Variants in NHSL2 observed in about 807,000 individuals in gnomAD.
The protein encoded by NHSL2 is NHS-like protein 2.
NHSL2 carries 27 observed loss-of-function variants against 53.4 expected under a neutral mutation model. The ratio of observed to expected loss-of-function variants is 0.51; its 90% CI spans 0.37 to 0.70. NHSL2 has a LOEUF of 0.70. Among genes scored for constraint, NHSL2 ranks in the 30% least tolerant of loss-of-function variants. The pLI is 0.00. For synonymous variants in NHSL2, 408 were observed against 404.1 expected, an observed-to-expected ratio of 1.01 and a Z score of -0.12; for missense variants, 892 against 980.1, an observed-to-expected ratio of 0.91 and a Z score of 1.20.
At chrX:72,059,377 G>A (rs1252844999) in intron 1 of NHSL2, among the ~76,000 whole-genome samples, 1 of 111,007 alleles carries the variant, frequency 9.0e-6, no homozygotes, top group Non-Finnish European at 1.9e-5. Flanking sequence ...AAGCTTCTGT[G>A]GCTCACTATC....
At chrX:72,070,507 A>G (rs892563598) in intron 1 of NHSL2, among the ~76,000 whole-genome samples, 4 of 111,187 alleles carry the variant, frequency 3.6e-5, no homozygotes, top group African/African-American at 1.3e-4. Context: ...AACTTTTCCT[A>G]GCTCACCTTC....
rs767183710 is a variant in NHSL2 at position 72,150,240 on chromosome X, A to G, written c.*6666A>G. On this transcript the variant is annotated 3_prime_UTR_variant, in exon 8 of 8. Transcript: ENST00000633930. ...TGTGTGAAAAATGAGTTTTTTAGATATCAAGTATCATTTTTTAGAGGTAAA... is the reference window on the plus strand; with the variant it reads ...TGTGTGAAAAATGAGTTTTTTAGATGTCAAGTATCATTTTTTAGAGGTAAA... 8.9e-6 allele frequency: 1 copy of G among 112,565 alleles called. No homozygotes were observed. Among genetic ancestry groups the G allele is most frequent in the East Asian group, 2.8e-4 (1 of 3,623 alleles). The allele number at this position is 112,565 out of a possible 1,213,427, so 9.3% of individuals were successfully genotyped here. A position where few individuals can be genotyped will look rare whatever the true frequency, so the allele number is the denominator to read the frequency against.
At chrX:71,978,737 A>T (rs992460431) in intron 1 of NHSL2, among the ~76,000 whole-genome samples, 4 of 76,596 alleles carry the variant, frequency 5.2e-5, no homozygotes, top group Admixed American at 1.6e-4. Flanking sequence ...CTCTCATTTT[A>T]CTACAGAAAC....
At chrX:72,065,381 A>G (rs2042422446) in intron 1 of NHSL2, among the ~76,000 whole-genome samples, 1 of 112,455 alleles carries the variant, frequency 8.9e-6, no homozygotes, top group Non-Finnish European at 1.9e-5. Context: ...TACGTGGAAG[A>G]TTTGGAACAA....
intron 1 of NHSL2, among the ~76,000 whole-genome samples, chrX:71,964,017 A>ATATG (rs1569467109): frequency 1.8e-3 from 8 of 4,536 alleles, no homozygotes; most frequent in East Asian, 0.045. Flanking sequence ...ATATGTATAT[A>ATATG]TATATATGTG....
At chrX:72,105,543 C>T (rs1038804304) in intron 1 of NHSL2, among the ~76,000 whole-genome samples, 4 of 111,432 alleles carry the variant, frequency 3.6e-5, no homozygotes, top group Admixed American at 9.5e-5. Context: ...GGAACCGTGC[C>T]GTTGTCATCT....
intron 4 of NHSL2, among the ~76,000 whole-genome samples, chrX:72,135,664 G>A (rs2042350059): frequency 8.9e-6 from 1 of 112,222 alleles, no homozygotes; most frequent in African/African-American, 3.2e-5. Context: ...ACAGCCCACA[G>A]CCTAGGGAAA....
rs750599726 is a variant in NHSL2 at position 71,978,746 on chromosome X, ACTT to A, written c.280+67380_280+67382del. Among the ~76,000 whole-genome samples, 524 of 87,780 alleles carry A rather than the reference ACTT, an allele frequency of 6.0e-3. 4 individuals carry two copies. The highest frequency in any genetic ancestry group is 0.018 in the African/African-American group (489 of 26,633). The allele number at this position is 87,780 out of a possible 115,157, so 76.2% of individuals were successfully genotyped here. A position where few individuals can be genotyped will look rare whatever the true frequency, so the allele number is the denominator to read the frequency against. Reference sequence around the variant, plus strand: ...TGTTGCCTCTCATTTTACTACAGAAACTTGTCAAGGTTTTTTTTTTTTTTTTTA... The same window carrying A: ...TGTTGCCTCTCATTTTACTACAGAAAGTCAAGGTTTTTTTTTTTTTTTTTA... On this transcript the variant is annotated intron_variant, in intron 1 of 7. Coordinates refer to ENST00000633930, the MANE Select transcript of NHSL2 (RefSeq NM_001013627.3).
rs1020296331 is a variant in NHSL2 at position 72,138,454 on chromosome X, C to T, written c.906C>T (p.Ser302=). ...TATTTCCTCCAGGTCACAGCAACAG[C>T]CCAGCAGGCAGTGTGGCCCACTCTA... ...FSQRDQGHSN[S]PAGSVAHSTT... is the part of the protein sequence containing the mutation. The change falls in exon 6 of 8, where the codon AGC becomes AGT. Residue 302 remains serine (S), a synonymous_variant. Coordinates refer to ENST00000633930, the MANE Select transcript of NHSL2 (RefSeq NM_001013627.3). 1 of 1,146,509 alleles carries T rather than the reference C, an allele frequency of 8.7e-7. No homozygotes were observed. Among genetic ancestry groups the T allele is most frequent in the Non-Finnish European group, 1.2e-6 (1 of 859,846 alleles). 94.5% of individuals were successfully genotyped at this position (1,146,509 alleles called of 1,213,427 possible). A position where few individuals can be genotyped will look rare whatever the true frequency, so the allele number is the denominator to read the frequency against.
chrX:71,943,228 A>T (rs191450853), intron 1 of NHSL2, among the ~76,000 whole-genome samples: 42 of 111,780 alleles, frequency 3.8e-4, no homozygotes, highest in Admixed American at 9.5e-4. Flanking sequence ...CTGGGACTAC[A>T]GGCGCACGCC....
At chrX:71,968,017 A>G (rs1043135466) in intron 1 of NHSL2, among the ~76,000 whole-genome samples, 5 of 107,113 alleles carry the variant, frequency 4.7e-5, no homozygotes, top group African/African-American at 1.7e-4. Flanking sequence ...TTTTTAAGAG[A>G]CAGGGTCTCT....
intron 1 of NHSL2, among the ~76,000 whole-genome samples, chrX:72,034,573 A>G (rs1039840360): frequency 9.0e-6 from 1 of 111,543 alleles, no homozygotes. Context: ...CTTTTTTGGA[A>G]GCTTTTAAAA....
Position 72,138,647 on chromosome X carries a change from A to G in NHSL2, c.1099A>G (p.Met367Val). The part of the protein sequence containing the change: ...QARSGPNPPG[M>V]ESMGMVYSVP... ...ACGGAGTGGCCCAAACCCTCCTGGCATGGAGAGCATGGGAATGGTGTACAG... is the reference window on the plus strand; with the variant it reads ...ACGGAGTGGCCCAAACCCTCCTGGCGTGGAGAGCATGGGAATGGTGTACAG... The change falls in exon 6 of 8, where the codon ATG becomes GTG. Residue 367 changes from methionine (M) to valine (V), a missense_variant. Coordinates refer to ENST00000633930, the MANE Select transcript of NHSL2 (RefSeq NM_001013627.3). 1.7e-6 allele frequency: 2 copies of G among 1,174,834 alleles called. No homozygotes were observed. Among genetic ancestry groups the G allele is most frequent in the Non-Finnish European group, 2.3e-6 (2 of 875,734 alleles).
At chrX:72,140,800 T>G in intron 6 of NHSL2, 29 bp downstream of exon 6, 1 of 1,110,040 alleles carries the variant, frequency 9.0e-7, no homozygotes, top group Non-Finnish European at 1.2e-6. Flanking sequence ...GGCTTTTTCC[T>G]TCAGTCACAG....
At chrX:72,059,742 G>A (rs1016402949) in intron 1 of NHSL2, among the ~76,000 whole-genome samples, 28 of 111,960 alleles carry the variant, frequency 2.5e-4, no homozygotes, top group African/African-American at 7.5e-4. Context: ...GGCTGGGGTG[G>A]TTGAGGTTGC....
intron 1 of NHSL2, among the ~76,000 whole-genome samples, chrX:72,045,396 T>A (rs1376339377): frequency 1.8e-5 from 2 of 110,965 alleles, no homozygotes; most frequent in African/African-American, 6.5e-5. Flanking sequence ...AGGTGCCAGG[T>A]CCCTTGTGGT....
chrX:71,959,901 T>C, intron 1 of NHSL2, among the ~76,000 whole-genome samples: 1 of 111,813 alleles, frequency 8.9e-6, no homozygotes, highest in Non-Finnish European at 1.9e-5. Context: ...TTGACAAGTA[T>C]TTTTGCGGAG....
At chrX:71,979,442 T>C (rs1428969175) in intron 1 of NHSL2, among the ~76,000 whole-genome samples, 2 of 111,855 alleles carry the variant, frequency 1.8e-5, no homozygotes, top group Non-Finnish European at 3.8e-5. Flanking sequence ...GACTTTTTAA[T>C]GATCGCCATT....
At chrX:72,068,960 A>G (rs1459727149) in intron 1 of NHSL2, among the ~76,000 whole-genome samples, 1 of 112,528 alleles carries the variant, frequency 8.9e-6, no homozygotes, top group African/African-American at 3.2e-5. Context: ...TGCTCTGCCC[A>G]AATTTTCCCA....
Sources: gnomAD v4.1 joint callset for allele counts (sites outside exome capture counted in the v4.1 genomes callset) on GRCh38, gnomAD v4.1.1 for gene constraint, MANE v1.5 for transcripts, NCBI Gene and HGNC (gene_info 2026-07-23, HGNC 2026-07-21) for gene names.